The following DPP10 variants were observed in gnomAD, a reference collection of about 807,000 sequenced individuals.
DPP10 encodes dipeptidyl peptidase like 10.
A neutral mutation model predicts 120.9 loss-of-function variants in DPP10; 33 were observed. That is an observed-to-expected ratio of 0.27 (90% CI 0.21 to 0.37). The LOEUF (loss-of-function observed/expected upper bound fraction) is 0.37, where lower values mean the gene tolerates loss of function less well. Ranked by LOEUF, DPP10 falls within the 10% of genes least tolerant of loss-of-function variation. DPP10 has a pLI of 1.00. For missense variants in DPP10, 816 were observed against 942.8 expected (o/e 0.87, Z 1.76); for synonymous variants, 337 against 326.1 (o/e 1.03, Z -0.36).
chr2:115,234,816 G>T (rs560659156), intron 1 of DPP10, among the ~76,000 whole-genome samples: 2 of 151,940 alleles, frequency 1.3e-5, no homozygotes, highest in Non-Finnish European at 2.9e-5. Context: ...AAGCACCCAC[G>T]CATGCTTATA....
At chr2:115,331,142 A>G (rs979846423) in intron 2 of DPP10, among the ~76,000 whole-genome samples, 2 of 152,070 alleles carry the variant, frequency 1.3e-5, no homozygotes, top group Admixed American at 1.3e-4. Flanking sequence ...GGTCCTTCAC[A>G]TCCCTTGTAA....
Position 114,642,990 on chromosome 2 carries a change from A to G in DPP10, c.60+200152A>G, listed in dbSNP as rs1040223258. ...CCACATGGGGGTTATATACCTGTTCATACACAAGCTATGAGTCTTTGAAGA... is the reference window on the plus strand; with the variant it reads ...CCACATGGGGGTTATATACCTGTTCGTACACAAGCTATGAGTCTTTGAAGA... On this transcript the variant is annotated intron_variant, in intron 1 of 25. Coordinates refer to ENST00000410059, the MANE Select transcript of DPP10 (RefSeq NM_020868.6). Among the ~76,000 whole-genome samples, 22 of 152,074 alleles carry G rather than the reference A, an allele frequency of 1.4e-4. 1 individual carries two copies. Among genetic ancestry groups the G allele is most frequent in the Non-Finnish European group, 2.2e-4 (15 of 68,034 alleles).
At position 115,107,852 on chromosome 2, in the gene DPP10, C is replaced by T. The variant is rs138405472; in HGVS notation, c.61-201387C>T. On this transcript the variant is annotated intron_variant, in intron 1 of 25. Coordinates refer to ENST00000410059, the MANE Select transcript of DPP10 (RefSeq NM_020868.6). Reference sequence around the variant, plus strand: ...TGAATGTGCAAAATTTAAAACAAGACATTATCTTTTATAAAAGAATATATT... The same window carrying T: ...TGAATGTGCAAAATTTAAAACAAGATATTATCTTTTATAAAAGAATATATT... 8.6e-3 allele frequency among the ~76,000 whole-genome samples: 1,313 copies of T among 152,144 alleles called. 26 individuals carry two copies. Among genetic ancestry groups the T allele is most frequent in the African/African-American group, 0.03 (1,257 of 41,520 alleles).
intron 3 of DPP10, among the ~76,000 whole-genome samples, chr2:115,481,298 C>T (rs1157244982): frequency 6.6e-6 from 1 of 152,044 alleles, no homozygotes; most frequent in Non-Finnish European, 1.5e-5. Context: ...AAGAGTTGCT[C>T]AACTGTGGCT....
At position 115,262,786 on chromosome 2, in the gene DPP10, A is replaced by G. The variant is rs965273132; in HGVS notation, c.61-46453A>G. Among the ~76,000 whole-genome samples the G allele has an allele frequency of 3.3e-5, 5 of 152,324 alleles. No homozygotes were observed. The East Asian group carries it at 7.7e-4, about 23-fold the overall frequency. Reference sequence around the variant, plus strand: ...TCCCTTTTACTGTACTGGCATCTACATATTGACTGTTTTCATGAATTATTT... The same window carrying G: ...TCCCTTTTACTGTACTGGCATCTACGTATTGACTGTTTTCATGAATTATTT... On this transcript the variant is annotated intron_variant, in intron 1 of 25. Transcript: ENST00000410059.
At chr2:115,060,321 T>G (rs1465073830) in intron 1 of DPP10, among the ~76,000 whole-genome samples, 15 of 152,032 alleles carry the variant, frequency 9.9e-5, no homozygotes, top group African/African-American at 3.4e-4. Context: ...GCCCGTGGGC[T>G]GTGACTTATG....
chr2:115,546,905 CAT>C (rs1175591934), intron 5 of DPP10, among the ~76,000 whole-genome samples: 1 of 152,070 alleles, frequency 6.6e-6, no homozygotes, highest in East Asian at 1.9e-4. Context: ...TGCTCTATCA[CAT>C]ATAAAAATGC....
At chr2:115,756,796 G>A (rs1679459147) in intron 11 of DPP10, among the ~76,000 whole-genome samples, 2 of 152,050 alleles carry the variant, frequency 1.3e-5, no homozygotes, top group East Asian at 3.9e-4. Flanking sequence ...AGTTTTGGAG[G>A]CTGGGAAATT....
chr2:115,568,240 T>G (rs943136389), intron 5 of DPP10, among the ~76,000 whole-genome samples: 2 of 150,054 alleles, frequency 1.3e-5, no homozygotes, highest in Non-Finnish European at 3.0e-5. Context: ...ATCCCAGCAC[T>G]GTGGGAGACT....
chr2:115,311,213 T>C (rs1363905478), intron 2 of DPP10, among the ~76,000 whole-genome samples: 1 of 152,212 alleles, frequency 6.6e-6, no homozygotes, highest in Non-Finnish European at 1.5e-5. Flanking sequence ...TTATTTAACC[T>C]TCTCTCTCAC....
At chr2:114,947,162 T>C (rs922339076) in intron 1 of DPP10, among the ~76,000 whole-genome samples, 1 of 152,078 alleles carries the variant, frequency 6.6e-6, no homozygotes, top group African/African-American at 2.4e-5. Context: ...TCCTTTTTAG[T>C]TGATCATTTG....
At chr2:115,391,602 A>G (rs556767226) in intron 3 of DPP10, among the ~76,000 whole-genome samples, 24 of 152,102 alleles carry the variant, frequency 1.6e-4, no homozygotes, top group Non-Finnish European at 2.9e-4. Context: ...CATCTGAGGT[A>G]CCAATATCCA....
intron 5 of DPP10, among the ~76,000 whole-genome samples, chr2:115,538,807 A>T (rs375064041): frequency 6.6e-6 from 1 of 152,014 alleles, no homozygotes; most frequent in African/African-American, 2.4e-5. Context: ...ACATGTGTCT[A>T]TTGAGGACTT....
At chr2:115,751,789 GT>G (rs143331852) in intron 10 of DPP10, among the ~76,000 whole-genome samples, 34 of 118,726 alleles carry the variant, frequency 2.9e-4, no homozygotes, top group Non-Finnish European at 5.2e-4. Flanking sequence ...AATTAACTGT[GT>G]TTTTTTTTTG....
At chr2:115,009,428 G>C (rs1702098284) in intron 1 of DPP10, among the ~76,000 whole-genome samples, 1 of 151,992 alleles carries the variant, frequency 6.6e-6, no homozygotes, top group Non-Finnish European at 1.5e-5. Flanking sequence ...GTTCTGTTGT[G>C]GGGTGGGGGT....
intron 1 of DPP10, among the ~76,000 whole-genome samples, chr2:114,846,423 C>T (rs910464822): frequency 1.3e-5 from 2 of 152,110 alleles, no homozygotes; most frequent in Admixed American, 1.3e-4. Flanking sequence ...AAAATCACCC[C>T]TCAATTGCAA....
intron 19 of DPP10, among the ~76,000 whole-genome samples, chr2:115,812,963 C>CTT (rs66478532): frequency 1.2e-4 from 9 of 72,780 alleles, no homozygotes; most frequent in African/African-American, 2.9e-4. Flanking sequence ...GACTGGATAT[C>CTT]TTTTTTTTTT....
chr2:115,134,036 T>C (rs1336562968), intron 1 of DPP10, among the ~76,000 whole-genome samples: 2 of 152,208 alleles, frequency 1.3e-5, no homozygotes, highest in Non-Finnish European at 2.9e-5. Flanking sequence ...TGAAAACACA[T>C]CTAATAAAAT....
intron 3 of DPP10, among the ~76,000 whole-genome samples, chr2:115,369,303 T>C (rs17044256): frequency 0.019 from 2,857 of 152,148 alleles, 94 homozygotes; most frequent in African/African-American, 0.064. Context: ...AACAAGTCTA[T>C]ATATTCACAA....
Sources: gnomAD v4.1 joint callset for allele counts (sites outside exome capture counted in the v4.1 genomes callset) on GRCh38, gnomAD v4.1.1 for gene constraint, MANE v1.5 for transcripts, NCBI Gene and HGNC (gene_info 2026-07-23, HGNC 2026-07-21) for gene names.